PPDPFL: variants seen among roughly 807,000 people sequenced by gnomAD.
The protein encoded by PPDPFL is pancreatic progenitor cell differentiation and proliferation factor-like protein.
PPDPFL carries 12 observed loss-of-function variants against 12.6 expected under a neutral mutation model. The observed-to-expected ratio is 0.95, with a 90% CI of 0.61 to 1.54. The LOEUF (loss-of-function observed/expected upper bound fraction) is 1.54. Ranked by LOEUF, PPDPFL falls within the 40% of genes most tolerant of loss-of-function variation. PPDPFL has a pLI of 0.00. For synonymous variants in PPDPFL, 24 were observed against 32.7 expected (o/e 0.73, Z 0.91); for missense variants, 114 against 96.0 (o/e 1.19, Z -0.78).
intron 1 of PPDPFL, among the ~76,000 whole-genome samples, chr8:49,055,207 A>C (rs56184134): frequency 0.02 from 2,968 of 151,776 alleles, 100 homozygotes; most frequent in African/African-American, 0.069. Context: ...CCTGCTCCTA[A>C]TTGCTACAGT....
chr8:49,065,325 G>A (rs1433101049), intron 1 of PPDPFL, among the ~76,000 whole-genome samples: 1 of 152,144 alleles, frequency 6.6e-6, no homozygotes, highest in African/African-American at 2.4e-5. Context: ...ATATCACTCA[G>A]CTGCTCTGTG....
intron 1 of PPDPFL, among the ~76,000 whole-genome samples, chr8:49,057,701 G>A (rs1808133445): frequency 6.6e-6 from 1 of 152,130 alleles, no homozygotes; most frequent in Admixed American, 6.5e-5. Context: ...TAGTTTTAAT[G>A]AAGTTCACTG....
At chr8:49,064,486 T>C (rs1335172551) in intron 1 of PPDPFL, among the ~76,000 whole-genome samples, 1 of 152,082 alleles carries the variant, frequency 6.6e-6, no homozygotes, top group Non-Finnish European at 1.5e-5. Flanking sequence ...AGGGATGAAC[T>C]TACTATCCAA....
chr8:49,062,927 G>A (rs1310445901), intron 1 of PPDPFL, among the ~76,000 whole-genome samples: 2 of 152,126 alleles, frequency 1.3e-5, no homozygotes, highest in African/African-American at 4.8e-5. Flanking sequence ...AGGAGGGCTG[G>A]GTTCCCACGA....
Position 49,067,227 on chromosome 8 carries a change from GT to G in PPDPFL, c.-44-5555del. Reference sequence around the variant, plus strand: ...GAGGCCCAGAGATAGTCAATAACTAGTTTTTGGCAACCTTTTCTGCAACAAT... The same window carrying G: ...GAGGCCCAGAGATAGTCAATAACTAGTTTTGGCAACCTTTTCTGCAACAAT... On this transcript the variant is annotated intron_variant, in intron 1 of 4. Coordinates refer to the PPDPFL transcript ENST00000517663. Among the ~76,000 whole-genome samples, 3 of 152,238 alleles carry G rather than the reference GT, an allele frequency of 2.0e-5. No homozygotes were observed. In the Middle Eastern group the frequency reaches 0.01, roughly 518 times the overall value.
intron 2 of PPDPFL, among the ~76,000 whole-genome samples, chr8:49,073,708 T>C (rs961754127): frequency 1.3e-5 from 2 of 152,224 alleles, no homozygotes; most frequent in Admixed American, 6.5e-5. Flanking sequence ...TAAATATACA[T>C]ATATGTAATA....
At chr8:49,069,307 A>G (rs1808344524), upstream of PPDPFL, among the ~76,000 whole-genome samples, 1 of 152,226 alleles carries the variant, frequency 6.6e-6, no homozygotes, top group South Asian at 2.1e-4. Context: ...AAGTAATGCA[A>G]TCTAGCAGAC....
At chr8:49,069,509 A>G (rs1437930376), upstream of PPDPFL, among the ~76,000 whole-genome samples, 3 of 152,242 alleles carry the variant, frequency 2.0e-5, no homozygotes, top group Non-Finnish European at 4.4e-5. Context: ...AAGGTTGCAG[A>G]GAAAAAGGAA....
chr8:49,058,669 GA>G (rs1808148184), intron 1 of PPDPFL, among the ~76,000 whole-genome samples: 1 of 152,184 alleles, frequency 6.6e-6, no homozygotes, highest in African/African-American at 2.4e-5. Context: ...TTACTTCAGC[GA>G]AAAGTTTTAT....
intron 1 of PPDPFL, among the ~76,000 whole-genome samples, chr8:49,057,097 T>C (rs557777817): frequency 3.3e-5 from 5 of 152,306 alleles, no homozygotes; most frequent in African/African-American, 1.2e-4. Flanking sequence ...GCTTGTGACA[T>C]ATGTGCAAGT....
rs142843711 is a variant in PPDPFL, at chr8:49,059,244, G to A, written c.-45+4875G>A. Among the ~76,000 whole-genome samples the A allele has an allele frequency of 3.0e-4, 46 of 152,240 alleles. No individual in the cohort carries two copies. The East Asian group carries it at 8.1e-3, about 27-fold the overall frequency. On this transcript the variant is annotated intron_variant, in intron 1 of 4. Transcript: ENST00000517663. ...ATGTGGTGTGTTGTGGTGTGGTGTGGTGTGGGGTTGGGTGTGGAGGGTAGC... is the reference window on the plus strand; with the variant it reads ...ATGTGGTGTGTTGTGGTGTGGTGTGATGTGGGGTTGGGTGTGGAGGGTAGC...
At chr8:49,059,345 G>T (rs1485142378) in intron 1 of PPDPFL, among the ~76,000 whole-genome samples, 1 of 152,150 alleles carries the variant, frequency 6.6e-6, no homozygotes, top group Non-Finnish European at 1.5e-5. Flanking sequence ...TTGGTTCATG[G>T]TAGGGAATGA....
chr8:49,057,142 G>A lies in PPDPFL; in HGVS notation c.-45+2773G>A, dbSNP rs1268995086. Among the ~76,000 whole-genome samples, 4 of 152,286 alleles carry A rather than the reference G, an allele frequency of 2.6e-5. No homozygotes were observed. The East Asian group carries it at 5.8e-4, about 22-fold the overall frequency. On this transcript the variant is annotated intron_variant, in intron 1 of 4. Coordinates refer to the PPDPFL transcript ENST00000517663. ...CTTAGTACTGTACCCTAAAATGACA[G>A]GCTAAAAAAGCCTTGCCAATATATG...
At chr8:49,059,412 C>T (rs77342736) in intron 1 of PPDPFL, among the ~76,000 whole-genome samples, 2,271 of 152,254 alleles carry the variant, frequency 0.015, 56 homozygotes, top group African/African-American at 0.05. Context: ...AATACTTATA[C>T]ACATTCACCA....
chr8:49,073,298 C>T (rs569906923), intron 2 of PPDPFL, among the ~76,000 whole-genome samples: 1 of 152,322 alleles, frequency 6.6e-6, no homozygotes, highest in East Asian at 1.9e-4. Flanking sequence ...AATAGGCCAA[C>T]TTCTATCTGG....
chr8:49,071,180 A>T (rs1783092912), upstream of PPDPFL, among the ~76,000 whole-genome samples: 1 of 152,220 alleles, frequency 6.6e-6, no homozygotes, highest in Non-Finnish European at 1.5e-5. Context: ...ACTACAGTAA[A>T]TGTTTTGAAT....
At chr8:49,060,272 G>C (rs909118926) in intron 1 of PPDPFL, among the ~76,000 whole-genome samples, 8 of 152,050 alleles carry the variant, frequency 5.3e-5, no homozygotes, top group Non-Finnish European at 1.2e-4. Flanking sequence ...TGCATCTCCT[G>C]TCTCTGCCTC....
Position 49,074,599 on chromosome 8 carries a change from C to T in PPDPFL, c.233+266C>T, listed in dbSNP as rs746461742. 137 of 1,535,806 alleles carry T rather than the reference C, an allele frequency of 8.9e-5. 2 individuals are homozygous for T. The highest frequency in any genetic ancestry group is 1.2e-4 in the East Asian group (5 of 40,910). On this transcript the variant is annotated intron_variant, in intron 4 of 4. Transcript: ENST00000522267. ...TATGCCAAACTGTGTCATTGTTTGG[C>T]GGGGGATGGACTGAGAATCAGAGGA...
At chr8:49,072,951 G>T in intron 2 of PPDPFL, 66 bp downstream of exon 2, 1 of 1,332,956 alleles carries the variant, frequency 7.5e-7, no homozygotes, top group Non-Finnish European at 1.1e-6. Flanking sequence ...GTGGGATATT[G>T]TTAACACAGG....
Sources: gnomAD v4.1 joint callset for allele counts (sites outside exome capture counted in the v4.1 genomes callset) on GRCh38, gnomAD v4.1.1 for gene constraint, MANE v1.5 for transcripts, NCBI Gene and HGNC (gene_info 2026-07-23, HGNC 2026-07-21) for gene names.